The following EPB41L5 variants were observed in gnomAD, a reference collection of about 807,000 sequenced individuals.
EPB41L5 encodes the protein band 4.1-like protein 5.
Under a neutral mutation model 106.6 loss-of-function variants are expected in EPB41L5, and 55 were observed. The ratio of observed to expected loss-of-function variants is 0.52; its 90% confidence interval spans 0.42 to 0.65. EPB41L5 has a LOEUF of 0.65. EPB41L5 is among the 30% of genes least tolerant of loss of function. EPB41L5 has a pLI of 0.00. For synonymous variants in EPB41L5, 297 were observed against 306.7 expected (o/e 0.97, Z 0.33); for missense variants, 871 against 882.1 (o/e 0.99, Z 0.16).
At chr2:120,159,941 C>T (rs1362300107) in intron 20 of EPB41L5, among the ~76,000 whole-genome samples, 1 of 152,164 alleles carries the variant, frequency 6.6e-6, no homozygotes, top group Non-Finnish European at 1.5e-5. Context: ...ATGGGTGGAG[C>T]TGGAGGCCAT....
At chr2:120,080,471 T>C (rs1574615164) in intron 10 of EPB41L5, among the ~76,000 whole-genome samples, 1 of 152,192 alleles carries the variant, frequency 6.6e-6, no homozygotes, top group African/African-American at 2.4e-5. Context: ...TATTCCATGG[T>C]GTATATGTGC....
intron 3 of EPB41L5, among the ~76,000 whole-genome samples, chr2:120,071,510 G>A (rs1173748100): frequency 1.3e-5 from 2 of 152,148 alleles, no homozygotes; most frequent in Non-Finnish European, 2.9e-5. Flanking sequence ...GAGGCATCAC[G>A]CTACCTGACT....
rs569352578 is a variant in EPB41L5 at position 120,166,562 on chromosome 2, C to G, written c.1963-904C>G. Among the ~76,000 whole-genome samples the G allele has an allele frequency of 2.0e-5, 3 of 152,006 alleles. No homozygotes were observed. The South Asian group carries it at 6.2e-4, about 31-fold the overall frequency. ...AAGCGATTCTCCTGCCTTGGCCTCC[C>G]GAGTAGCTGGGAGTACAGGCGCATG... On this transcript the variant is annotated intron_variant, in intron 22 of 24. Transcript: ENST00000263713.
At chr2:120,028,954 T>A (rs1364806112) in intron 2 of EPB41L5, among the ~76,000 whole-genome samples, 1 of 152,160 alleles carries the variant, frequency 6.6e-6, no homozygotes, top group East Asian at 1.9e-4. Context: ...ACGGTCATAT[T>A]TTTTGGACCT....
chr2:120,028,480 G>A (rs1264116995), intron 2 of EPB41L5, among the ~76,000 whole-genome samples: 1 of 151,994 alleles, frequency 6.6e-6, no homozygotes, highest in South Asian at 2.1e-4. Flanking sequence ...AGGCTGCAGT[G>A]GACTATGATC....
chr2:120,071,277 T>G (rs1349331537), intron 3 of EPB41L5, among the ~76,000 whole-genome samples: 1 of 152,150 alleles, frequency 6.6e-6, no homozygotes, highest in Non-Finnish European at 1.5e-5. Context: ...TCACAAGGGA[T>G]GTGGAGGACC....
At chr2:120,068,244 C>T (rs770045618) in intron 3 of EPB41L5, among the ~76,000 whole-genome samples, 3 of 152,212 alleles carry the variant, frequency 2.0e-5, no homozygotes, top group Admixed American at 6.5e-5. Flanking sequence ...CGGTGCATTC[C>T]GGCCCAGATA....
chr2:120,075,058 C>T (rs539775418), intron 5 of EPB41L5, among the ~76,000 whole-genome samples: 2 of 152,268 alleles, frequency 1.3e-5, no homozygotes, highest in Admixed American at 6.5e-5. Flanking sequence ...GAACTCCTGG[C>T]CTCAAGTGAT....
At chr2:120,068,644 TATA>T (rs1681628298) in intron 3 of EPB41L5, among the ~76,000 whole-genome samples, 1 of 152,056 alleles carries the variant, frequency 6.6e-6, no homozygotes, top group African/African-American at 2.4e-5. Context: ...AATTCACACA[TATA>T]ATATTAACCT....
chr2:120,045,085 G>A (rs1679674121), intron 3 of EPB41L5, among the ~76,000 whole-genome samples: 1 of 152,114 alleles, frequency 6.6e-6, no homozygotes, highest in South Asian at 2.1e-4. Flanking sequence ...ATGCGACCAA[G>A]GAATTACATG....
chr2:120,063,947 A>G (rs970629051), intron 3 of EPB41L5, among the ~76,000 whole-genome samples: 1 of 152,150 alleles, frequency 6.6e-6, no homozygotes, highest in Non-Finnish European at 1.5e-5. Flanking sequence ...CATCTCAAAA[A>G]AAAAAAGAAA....
At chr2:120,142,352 A>G (rs1444392795) in intron 18 of EPB41L5, among the ~76,000 whole-genome samples, 1 of 151,992 alleles carries the variant, frequency 6.6e-6, no homozygotes, top group African/African-American at 2.4e-5. Context: ...TCCTAAGGCA[A>G]TCCAGAATGT....
intron 24 of EPB41L5, among the ~76,000 whole-genome samples, chr2:120,169,617 C>T (rs554705046): frequency 2.6e-5 from 4 of 152,294 alleles, no homozygotes; most frequent in South Asian, 4.1e-4. Flanking sequence ...TCTCTCACCC[C>T]CTTCCCTTCT....
In EPB41L5 at chr2:120,106,289, G is replaced by A. The variant is rs975759617; in HGVS notation, c.1337+5475G>A. The A allele has an allele frequency of 2.8e-4, 273 of 985,242 alleles. 1 individual carries two copies. Among genetic ancestry groups the A allele is most frequent in the Non-Finnish European group, 3.1e-4 (254 of 829,894 alleles). The allele number at this position is 985,242 out of a possible 1,614,324, so 61.0% of individuals were successfully genotyped here. ...AGTAAAGGGCTAAGGCTGGATGGTAGTAAAATTAAACTTGTCTATTTTATA... is the reference window on the plus strand; with the variant it reads ...AGTAAAGGGCTAAGGCTGGATGGTAATAAAATTAAACTTGTCTATTTTATA... On this transcript the variant is annotated intron_variant, in intron 16 of 24. Transcript: ENST00000263713.
intron 1 of EPB41L5, among the ~76,000 whole-genome samples, chr2:120,015,872 G>A (rs185195820): frequency 4.1e-5 from 6 of 148,100 alleles, no homozygotes; most frequent in Non-Finnish European, 5.9e-5. Flanking sequence ...GATGAAGGCC[G>A]CAGTGAGCCC....
chr2:120,042,100 C>T lies in EPB41L5; in HGVS notation c.275C>T (p.Ala92Val), dbSNP rs774711474. 6.2e-7 allele frequency: 1 copy of T among 1,612,676 alleles called. No individual in the cohort carries two copies. Among genetic ancestry groups the T allele is most frequent in the Admixed American group, 1.7e-5 (1 of 59,992 alleles). Reference sequence around the variant, plus strand: ...TTTGGTCTGAGATTTATGGATTCAGCACAAGTAGCAGTGAGTAACTGTTTT... The same window carrying T: ...TTTGGTCTGAGATTTATGGATTCAGTACAAGTAGCAGTGAGTAACTGTTTT... ...DYFGLRFMDS[A>V]QVAHWLDGTK... The change falls in exon 3 of 25, where the codon GCA (alanine) becomes GTA (valine). Residue 92 changes from alanine (A) to valine (V), a missense_variant. Physicochemically the swap from Ala to Val is moderately conservative, Grantham distance 64. Transcript: ENST00000263713.
Position 120,075,456 on chromosome 2 carries a change from G to C in EPB41L5, c.408-20G>C. ...TCGATTGTGCTGTTGGGTTAAATTT[G>C]TGCCTTTCATTTTTCTTAGGTATTT... On this transcript the variant is annotated intron_variant, in intron 5 of 24. Coordinates refer to ENST00000263713, the MANE Select transcript of EPB41L5 (RefSeq NM_020909.4). The C allele has an allele frequency of 7.5e-7, 1 of 1,330,454 alleles. No homozygotes were observed. Among genetic ancestry groups the C allele is most frequent in the Non-Finnish European group, 1.1e-6 (1 of 935,742 alleles). 82.4% of individuals were successfully genotyped at this position (1,330,454 alleles called of 1,614,324 possible).
intron 3 of EPB41L5, among the ~76,000 whole-genome samples, chr2:120,063,016 A>G (rs1452733288): frequency 1.3e-5 from 2 of 152,124 alleles, no homozygotes; most frequent in Non-Finnish European, 1.5e-5. Flanking sequence ...GAGTTCGACT[A>G]TATTGTAAAT....
At chr2:120,054,467 G>T (rs973974294) in intron 3 of EPB41L5, among the ~76,000 whole-genome samples, 10 of 151,790 alleles carry the variant, frequency 6.6e-5, no homozygotes, top group Non-Finnish European at 7.4e-5. Context: ...CTATTCTGAG[G>T]TCATAAAGAT....
Sources: gnomAD v4.1 joint callset for allele counts (sites outside exome capture counted in the v4.1 genomes callset) on GRCh38, gnomAD v4.1.1 for gene constraint, MANE v1.5 for transcripts, NCBI Gene and HGNC (gene_info 2026-07-23, HGNC 2026-07-21) for gene names.